The following AXL variants were observed in gnomAD, a reference collection of about 807,000 sequenced individuals.
AXL encodes AXL receptor tyrosine kinase, also known as tyrosine-protein kinase receptor UFO.
In AXL, 52 loss-of-function variants were observed where a neutral mutation model predicts 104.5. The observed-to-expected ratio is 0.50, with a 90% confidence interval of 0.40 to 0.63. AXL has a LOEUF of 0.63. Among genes scored for constraint, AXL ranks in the 20% least tolerant of loss-of-function variants. AXL has a pLI of 0.00. For synonymous variants in AXL, 455 were observed against 473.7 expected (o/e 0.96, Z 0.51); for missense variants, 1,024 against 1,188.5 (o/e 0.86, Z 2.04).
At chr19:41,242,186 T>C (rs76715647) in intron 10 of AXL, among the ~76,000 whole-genome samples, 11,895 of 152,124 alleles carry the variant, frequency 0.078, 1,081 homozygotes, top group African/African-American at 0.21. Flanking sequence ...TCTGTTTTTT[T>C]GGATCTTGGT....
At chr19:41,222,887 CAG>C in intron 4 of AXL, among the ~76,000 whole-genome samples, 2 of 140,178 alleles carry the variant, frequency 1.4e-5, no homozygotes, top group East Asian at 4.2e-4. Flanking sequence ...GCCTGGGCGA[CAG>C]GGCGAGACTC....
rs68001077 is a variant in AXL, at chr19:41,253,726, ACC to A, written c.2036+29_2036+30del. The A allele has an allele frequency of 0.016, 22,139 of 1,373,234 alleles. 203 individuals are homozygous for A. The highest frequency in any genetic ancestry group is 0.1 in the African/African-American group (6,148 of 60,568). 85.1% of individuals were successfully genotyped at this position (1,373,234 alleles called of 1,614,324 possible). Reference sequence around the variant, plus strand: ...AACTGCATGTGAGTGCCTTTCAGGGACCCCCCCCCCCCAACTGCTCCTGCACT... The same window carrying A: ...AACTGCATGTGAGTGCCTTTCAGGGACCCCCCCCCCAACTGCTCCTGCACT... On this transcript the variant is annotated intron_variant, in intron 17 of 19. Coordinates refer to ENST00000301178, the MANE Select transcript of AXL (RefSeq NM_021913.5).
chr19:41,243,497 A>G (rs1327311389), intron 11 of AXL, 119 bp from the exon 12 acceptor site: 4 of 807,996 alleles, frequency 5.0e-6, no homozygotes, highest in Non-Finnish European at 8.7e-6. Context: ...ATGCTCAGCA[A>G]ATGTTAGCAC....
intron 12 of AXL, among the ~76,000 whole-genome samples, chr19:41,245,997 A>G (rs529588451): frequency 6.6e-6 from 1 of 152,290 alleles, no homozygotes; most frequent in South Asian, 2.1e-4. Context: ...ATAAGGTCAA[A>G]TCTATTTTCA....
Position 41,238,515 on chromosome 19 carries a change from G to A in AXL, c.1040G>A (p.Ser347Asn). 1 of 1,614,076 alleles carries A rather than the reference G, an allele frequency of 6.2e-7. No homozygotes were observed. Among genetic ancestry groups the A allele is most frequent in the Non-Finnish European group, 8.5e-7 (1 of 1,179,970 alleles). The change falls in exon 8 of 20, where the codon AGC (serine) becomes AAC (asparagine). Residue 347 changes from serine to asparagine, a missense_variant. By Grantham distance (46) the Ser-to-Asn change is conservative (BLOSUM62 1). Around this residue, in one of 5 missense-constraint regions of AXL, gnomAD observed 332 missense variants for 343.9 expected, o/e 0.97. Transcript: ENST00000301178. Reference protein sequence around the residue: ...PENISATRNGSQAFVHWQEPR... With the variant: ...PENISATRNGNQAFVHWQEPR... ...AACATTAGTGCTACGCGGAATGGGA[G>A]CCAGGCCTTCGTGCATTGGCAAGAG...
chr19:41,238,724 AG>A, intron 8 of AXL, 115 bp downstream of exon 8: 1 of 1,377,476 alleles, frequency 7.3e-7, no homozygotes, highest in Non-Finnish European at 9.7e-7. Flanking sequence ...CTCTATGCCT[AG>A]GGGGCACATT....
intron 12 of AXL, among the ~76,000 whole-genome samples, chr19:41,246,696 C>T (rs1261570035): frequency 6.6e-6 from 1 of 152,054 alleles, no homozygotes; most frequent in Non-Finnish European, 1.5e-5. Flanking sequence ...GCCTAGGCAA[C>T]AGAGCGAGAC....
intron 14 of AXL, among the ~76,000 whole-genome samples, chr19:41,252,044 C>G (rs1184601441): frequency 6.8e-6 from 1 of 147,456 alleles, no homozygotes; most frequent in African/African-American, 2.5e-5. Context: ...ACCCGAGAGG[C>G]GGAGGTTGCA....
At chr19:41,243,574 C>T (rs749574385) in intron 11 of AXL, 42 bp from the exon 12 acceptor site, 1 of 1,497,446 alleles carries the variant, frequency 6.7e-7, no homozygotes, top group African/African-American at 1.4e-5. Context: ...GGGGGTTCCA[C>T]ATGGTTTTTC....
At chr19:41,241,847 AC>A (rs756312160) in intron 10 of AXL, among the ~76,000 whole-genome samples, 14 of 152,140 alleles carry the variant, frequency 9.2e-5, no homozygotes, top group Admixed American at 7.2e-4. Flanking sequence ...GTCTCAAAAA[AC>A]AAACAAACAA....
intron 15 of AXL, 59 bp from the exon 16 acceptor site, chr19:41,252,787 G>C: frequency 1.2e-6 from 2 of 1,606,312 alleles, no homozygotes; most frequent in Non-Finnish European, 8.5e-7. Context: ...GCTGGCTGGT[G>C]GGGGGCTTGG....
At position 41,220,691 on chromosome 19, in the gene AXL, C is replaced by T. The variant is rs1480838790; in HGVS notation, c.141C>T (p.Ala47=). ...GCAACCCAGGGAATATCACAGGTGC[C>T]CGGGGACTCACGGGCACCCTTCGGT... is the stretch of plus-strand genomic sequence containing the variant. ...FVGNPGNITG[A]RGLTGTLRCQ... Residue 47 remains alanine (A), a synonymous_variant, in exon 2 of 20, where the codon GCC becomes GCT. Coordinates refer to ENST00000301178, the MANE Select transcript of AXL (RefSeq NM_021913.5). The T allele has an allele frequency of 1.2e-6, 2 of 1,611,622 alleles. No individual in the cohort carries two copies. Among genetic ancestry groups the T allele is most frequent in the African/African-American group, 1.3e-5 (1 of 74,874 alleles).
At chr19:41,224,029 A>T (rs909898743) in intron 4 of AXL, among the ~76,000 whole-genome samples, 1 of 150,822 alleles carries the variant, frequency 6.6e-6, no homozygotes, top group African/African-American at 2.4e-5. Flanking sequence ...CTGTCCCAAT[A>T]TGTGTTTGGA....
At chr19:41,250,506 GACCTCAGCTAACTACT>G (rs2034344902) in intron 14 of AXL, among the ~76,000 whole-genome samples, 1 of 152,182 alleles carries the variant, frequency 6.6e-6, no homozygotes, top group Admixed American at 6.5e-5. Flanking sequence ...GCAGTGGCAT[GACCTCAGCTAACTACT>G]ACCTCTGCCT....
intron 6 of AXL, among the ~76,000 whole-genome samples, chr19:41,235,577 G>A (rs1432556108): frequency 1.3e-5 from 2 of 152,106 alleles, no homozygotes; most frequent in African/African-American, 2.4e-5. Context: ...TCCAGCATCC[G>A]TGCTCCTCAG....
chr19:41,238,076 C>A lies in AXL; in HGVS notation c.916C>A (p.His306Asn), dbSNP rs768277936. 1.2e-6 allele frequency: 2 copies of A among 1,614,036 alleles called. No individual in the cohort carries two copies. Among genetic ancestry groups the A allele is most frequent in the Admixed American group, 3.3e-5 (2 of 59,998 alleles). Reference protein sequence around the residue: ...LGSLHPHTPYHIRVACTSSQG... With the variant: ...LGSLHPHTPYNIRVACTSSQG... ...CAGCCTCCATCCTCACACCCCTTAT[C>A]ACATCCGCGTGGCATGCACCAGCAG... Residue 306 changes from histidine to asparagine, a missense_variant, in exon 7 of 20, where the codon CAC becomes AAC. Physicochemically the swap from His to Asn is moderately conservative, Grantham distance 68 (BLOSUM62 1). Transcript: ENST00000301178.
At chr19:41,236,415 T>C (rs772192410) in intron 6 of AXL, among the ~76,000 whole-genome samples, 2 of 151,636 alleles carry the variant, frequency 1.3e-5, no homozygotes, top group Non-Finnish European at 2.9e-5. Flanking sequence ...GGCATGAGAA[T>C]TGCCTGAACC....
intron 1 of AXL, 123 bp from the exon 2 acceptor site, chr19:41,220,513 A>T: frequency 1.3e-6 from 1 of 787,994 alleles, no homozygotes; most frequent in Non-Finnish European, 2.0e-6. Flanking sequence ...TCACTCTGCA[A>T]CTATGTCGGC....
In AXL at chr19:41,235,772, A is replaced by C. The variant is rs544080458; in HGVS notation, c.784-2172A>C. On this transcript the variant is annotated intron_variant, in intron 6 of 19. Coordinates refer to ENST00000301178, the MANE Select transcript of AXL (RefSeq NM_021913.5). ...TGGGCCTCAGTGTTGTCATCTGTAC[A>C]GTGGGAATAAGCATAATGCTTACCA... Among the ~76,000 whole-genome samples, 8 of 152,370 alleles carry C rather than the reference A, an allele frequency of 5.3e-5. No homozygotes were observed. In the South Asian group the frequency reaches 1.0e-3, roughly 20 times the overall value.
Sources: gnomAD v4.1 joint callset for allele counts (sites outside exome capture counted in the v4.1 genomes callset) on GRCh38, gnomAD v4.1.1 for gene constraint, gnomAD v4.1.1 regional missense constraint, MANE v1.5 for transcripts, NCBI Gene and HGNC (gene_info 2026-07-23, HGNC 2026-07-21) for gene names.